The following TMOD2 variants were observed in gnomAD, a reference collection of about 807,000 sequenced individuals.
The protein encoded by TMOD2 is tropomodulin-2.
Under a neutral mutation model 39.9 loss-of-function variants are expected in TMOD2, and 22 were observed. The observed-to-expected ratio is 0.55, with a 90% CI of 0.39 to 0.79. The LOEUF is 0.79. TMOD2 is among the 30% of genes least tolerant of loss of function. The probability of loss-of-function intolerance (pLI) is 0.00; values close to 1 mark genes in which losing one functional copy is unlikely to be tolerated. For missense variants in TMOD2, 386 were observed against 413.3 expected (o/e 0.93, Z 0.57); for synonymous variants, 123 against 146.1 (o/e 0.84, Z 1.14).
At position 51,776,063 on chromosome 15, in the gene TMOD2, G is replaced by A. The variant is rs559050947; in HGVS notation, c.407-869G>A. Among the ~76,000 whole-genome samples, 302 of 152,270 alleles carry A rather than the reference G, an allele frequency of 2.0e-3. 1 individual carries two copies. The highest frequency in any genetic ancestry group is 2.6e-3 in the Non-Finnish European group (178 of 68,010). On this transcript the variant is annotated intron_variant, in intron 4 of 9. Transcript: ENST00000249700. ...CACAGTTTAACGTGGTCAGAGTCAG[G>A]ATTCTTGACTGCTCCCAAGTCCCCC...
At position 51,808,794 on chromosome 15, in the gene TMOD2, A is replaced by G. The variant is rs2056137743; in HGVS notation, c.*340A>G. 1.4e-5 allele frequency: 3 copies of G among 221,714 alleles called. No homozygotes were observed. The South Asian group carries it at 2.4e-4, about 18-fold the overall frequency. The allele number at this position is 221,714 out of a possible 1,614,324, so 13.7% of individuals were successfully genotyped here. On this transcript the variant is annotated 3_prime_UTR_variant, in exon 10 of 10. Transcript: ENST00000249700. ...TTTTTTTAATCACTGAAAGGAATTT[A>G]GTGTATAATATGTGTTTGTAACTGT...
intron 8 of TMOD2, among the ~76,000 whole-genome samples, chr15:51,802,227 AAT>A (rs1413404240): frequency 6.6e-6 from 1 of 151,998 alleles, no homozygotes; most frequent in Non-Finnish European, 1.5e-5. Flanking sequence ...CTCAAAAAAA[AAT>A]AAAGCTATTA....
At chr15:51,753,139 T>C (rs1163981813) in intron 1 of TMOD2, among the ~76,000 whole-genome samples, 2 of 152,016 alleles carry the variant, frequency 1.3e-5, no homozygotes, top group African/African-American at 2.4e-5. Context: ...AAAAGAAATA[T>C]GCAATAGAAG....
rs1483330769 is a variant in TMOD2, at chr15:51,801,231, TCTCTCTCA to T, written c.876+2893_876+2900del. 1.9e-3 allele frequency among the ~76,000 whole-genome samples: 184 copies of T among 97,412 alleles called. 2 individuals are homozygous for T. The highest frequency in any genetic ancestry group is 8.0e-3 in the African/African-American group (162 of 20,160). 63.9% of individuals were successfully genotyped at this position (97,412 alleles called of 152,430 possible). A position where few individuals can be genotyped will look rare whatever the true frequency, so the allele number is the denominator to read the frequency against. ...CATTCTCTCTCCCTCTCTCTCTCTC[TCTCTCTCA>T]CACACACACACACACACACACACAC... is the stretch of plus-strand genomic sequence containing the variant. On this transcript the variant is annotated intron_variant, in intron 8 of 9. Coordinates refer to ENST00000249700, the MANE Select transcript of TMOD2 (RefSeq NM_014548.4).
intron 8 of TMOD2, among the ~76,000 whole-genome samples, chr15:51,802,017 T>C (rs1350711780): frequency 6.6e-6 from 1 of 151,526 alleles, no homozygotes; most frequent in Non-Finnish European, 1.5e-5. Context: ...ATAAAGACTG[T>C]ATATCCAAAT....
intron 7 of TMOD2, among the ~76,000 whole-genome samples, chr15:51,795,034 G>T (rs1038476114): frequency 6.6e-6 from 1 of 152,060 alleles, no homozygotes; most frequent in Non-Finnish European, 1.5e-5. Context: ...CCTGATTTTT[G>T]ATCCTTTGCA....
chr15:51,806,612 C>G, intron 9 of TMOD2, 91 bp downstream of exon 9: 2 of 1,433,912 alleles, frequency 1.4e-6, no homozygotes, highest in African/African-American at 1.4e-5. Context: ...AGATACCATT[C>G]CACTGGCCTC....
chr15:51,766,611 G>A, intron 2 of TMOD2, 44 bp downstream of exon 2: 1 of 1,594,274 alleles, frequency 6.3e-7, no homozygotes, highest in Non-Finnish European at 8.6e-7. Context: ...TGATAGTATG[G>A]ATAAATGGCA....
intron 8 of TMOD2, among the ~76,000 whole-genome samples, chr15:51,805,249 G>A (rs1164168511): frequency 2.6e-5 from 4 of 151,950 alleles, no homozygotes; most frequent in Admixed American, 1.3e-4. Context: ...CAGGAGCCAC[G>A]GTGCCCGGCC....
At position 51,808,775 on chromosome 15, in the gene TMOD2, T is replaced by A; in HGVS notation, c.*321T>A. On this transcript the variant is annotated 3_prime_UTR_variant, in exon 10 of 10. Coordinates refer to ENST00000249700, the MANE Select transcript of TMOD2 (RefSeq NM_014548.4). ...GCTTTCTTACATGAACTTGTTTTTT[T>A]AATCACTGAAAGGAATTTAGTGTAT... 1 of 248,004 alleles carries A rather than the reference T, an allele frequency of 4.0e-6. No homozygotes were observed. The allele number at this position is 248,004 out of a possible 1,614,324, so 15.4% of individuals were successfully genotyped here.
chr15:51,766,261 A>G, intron 1 of TMOD2, 112 bp from the exon 2 acceptor site: 1 of 478,038 alleles, frequency 2.1e-6, no homozygotes. Flanking sequence ...TTTTTGTTGA[A>G]TTATTCATTC....
chr15:51,811,482 A>G lies in TMOD2; in HGVS notation c.*3028A>G, dbSNP rs1409387812. The G allele has an allele frequency of 6.6e-6, 1 of 152,190 alleles. No homozygotes were observed. The highest frequency in any genetic ancestry group is 2.4e-5 in the African/African-American group (1 of 41,430). 9.4% of individuals were successfully genotyped at this position (152,190 alleles called of 1,614,324 possible). The stretch of plus-strand genomic sequence containing the variant: ...TGGGCTTGTATCACCAACATCTATT[A>G]TGGCACATGTAGATGACATTTAGGA... On this transcript the variant is annotated 3_prime_UTR_variant, in exon 10 of 10. Coordinates refer to ENST00000249700, the MANE Select transcript of TMOD2 (RefSeq NM_014548.4).
At position 51,798,238 on chromosome 15, in the gene TMOD2, T is replaced by C. The variant is rs150056831; in HGVS notation, c.774T>C (p.Ser258=). The C allele has an allele frequency of 1.8e-4, 287 of 1,613,818 alleles. No homozygotes were observed. Among genetic ancestry groups the C allele is most frequent in the Middle Eastern group, 3.3e-4 (2 of 6,062 alleles). The change falls in exon 8 of 10, where the codon AGT becomes AGC. Residue 258 remains serine (S), a synonymous_variant. Coordinates refer to ENST00000249700, the MANE Select transcript of TMOD2 (RefSeq NM_014548.4). ...TGAAAGTAAACAAGACCTTGACAAG[T>C]CTAAACATAGAATCCAATTTTATCA... The part of the protein sequence containing the change: ...DMLKVNKTLT[S]LNIESNFITG...
intron 8 of TMOD2, among the ~76,000 whole-genome samples, chr15:51,802,395 C>T (rs559423616): frequency 8.5e-5 from 13 of 152,242 alleles, no homozygotes; most frequent in South Asian, 8.3e-4. Flanking sequence ...TTACAGTTGA[C>T]GTCTATATAA....
chr15:51,783,534 G>A (rs1263915733), intron 7 of TMOD2: 2 of 151,978 alleles, frequency 1.3e-5, no homozygotes, highest in African/African-American at 2.4e-5. Context: ...GGATTAATAT[G>A]TGTCTAAAAT....
intron 8 of TMOD2, among the ~76,000 whole-genome samples, chr15:51,798,937 A>G (rs1595877581): frequency 6.6e-6 from 1 of 152,228 alleles, no homozygotes; most frequent in Non-Finnish European, 1.5e-5. Flanking sequence ...TCACAGTCTC[A>G]TTGATCATGA....
At chr15:51,776,259 A>G (rs1405510581) in intron 4 of TMOD2, among the ~76,000 whole-genome samples, 1 of 152,240 alleles carries the variant, frequency 6.6e-6, no homozygotes, top group Admixed American at 6.5e-5. Flanking sequence ...TCAGGTGGCC[A>G]GTATCACCTG....
intron 7 of TMOD2, among the ~76,000 whole-genome samples, chr15:51,797,050 G>A (rs1370987674): frequency 2.0e-5 from 3 of 152,258 alleles, no homozygotes; most frequent in Non-Finnish European, 4.4e-5. Context: ...ACTCAGAACA[G>A]CATGCAATTT....
intron 7 of TMOD2, chr15:51,785,052 A>G (rs975995383): frequency 6.6e-6 from 1 of 152,260 alleles, no homozygotes; most frequent in Non-Finnish European, 1.5e-5. Context: ...GCACTACACT[A>G]GGAGCTGGAT....
Sources: gnomAD v4.1 joint callset for allele counts (sites outside exome capture counted in the v4.1 genomes callset) on GRCh38, gnomAD v4.1.1 for gene constraint, MANE v1.5 for transcripts, NCBI Gene and HGNC (gene_info 2026-07-23, HGNC 2026-07-21) for gene names.